The following ALPK2 variants were observed in gnomAD, a reference collection of about 807,000 sequenced individuals.
The protein encoded by ALPK2 is alpha-protein kinase 2.
In ALPK2, 127 loss-of-function variants were observed where a neutral mutation model predicts 163.1. That is an observed-to-expected ratio of 0.78 (90% confidence interval 0.67 to 0.90). ALPK2 has a LOEUF of 0.90. ALPK2 is among the 40% of genes least tolerant of loss of function. ALPK2 has a pLI of 0.00. For missense variants in ALPK2, 2,360 were observed against 2,589.6 expected, an observed-to-expected ratio of 0.91 and a Z score of 1.92; for synonymous variants, 953 against 959.1, an observed-to-expected ratio of 0.99 and a Z score of 0.12.
chr18:58,564,130 T>TTTTTTTTTTTTTC, intron 4 of ALPK2, among the ~76,000 whole-genome samples: 1 of 138,038 alleles, frequency 7.2e-6, no homozygotes, highest in South Asian at 2.4e-4. Flanking sequence ...GTTCTTTTTT[T>TTTTTTTTTTTTTC]TTTTTTTTTG....
At chr18:58,613,738 TAATAATAA>T (rs1568101812) in intron 1 of ALPK2, among the ~76,000 whole-genome samples, 10 of 145,610 alleles carry the variant, frequency 6.9e-5, no homozygotes, top group African/African-American at 2.3e-4. Flanking sequence ...ATAATAATAA[TAATAATAA>T]AATAAAAAGA....
In ALPK2 at chr18:58,515,019, A is replaced by T; in HGVS notation, c.6003T>A (p.Pro2001=). Residue 2001 remains proline (P), a synonymous_variant, in exon 10 of 13, where the codon CCT becomes CCA. Transcript: ENST00000361673. ...YAKIYAAEAQ[P]LEGFGEVPEI... ...CAGGTACTTCTCCAAAGCCTTCCAGAGGCTGTGCTTCAGCAGCGTAGATCT... is the reference window on the plus strand; with the variant it reads ...CAGGTACTTCTCCAAAGCCTTCCAGTGGCTGTGCTTCAGCAGCGTAGATCT... 4 of 1,613,010 alleles carry T rather than the reference A, an allele frequency of 2.5e-6. No homozygotes were observed. Among genetic ancestry groups the T allele is most frequent in the Non-Finnish European group, 3.4e-6 (4 of 1,179,398 alleles).
Position 58,580,408 on chromosome 18 carries a change from C to G in ALPK2, c.368G>C (p.Arg123Thr). The G allele has an allele frequency of 6.2e-7, 1 of 1,614,200 alleles. No homozygotes were observed. The highest frequency in any genetic ancestry group is 8.5e-7 in the Non-Finnish European group (1 of 1,180,034). The change falls in exon 4 of 13, where the codon AGG becomes ACG. Residue 123 changes from arginine (R) to threonine (T), a missense_variant. Transcript: ENST00000361673. Reference protein sequence around the residue: ...LSPNLEDDRDRGWKHETGTHE... With the variant: ...LSPNLEDDRDTGWKHETGTHE... ...TGTCCCTGTTTCATGTTTCCAACCCCTGTCCCTGTCATCTTCCAGGTTAGG... is the reference window on the plus strand; with the variant it reads ...TGTCCCTGTTTCATGTTTCCAACCCGTGTCCCTGTCATCTTCCAGGTTAGG...
intron 12 of ALPK2, among the ~76,000 whole-genome samples, chr18:58,497,057 C>T (rs2051404642): frequency 6.6e-6 from 1 of 152,220 alleles, no homozygotes; most frequent in South Asian, 2.1e-4. Context: ...CCATAATATT[C>T]TTGCCTGCAT....
intron 5 of ALPK2, among the ~76,000 whole-genome samples, chr18:58,529,924 C>T (rs2051603906): frequency 6.6e-6 from 1 of 152,200 alleles, no homozygotes; most frequent in Non-Finnish European, 1.5e-5. Flanking sequence ...TTAGCTAGGG[C>T]AGCCACTGGG....
intron 3 of ALPK2, among the ~76,000 whole-genome samples, chr18:58,583,789 G>A (rs2051972538): frequency 6.6e-6 from 1 of 151,876 alleles, no homozygotes; most frequent in Admixed American, 6.6e-5. Flanking sequence ...CTGTGGCAGG[G>A]TGGGCAATAG....
rs763669425 is a variant in ALPK2 at position 58,503,982 on chromosome 18, G to GCTA, written c.6195_6196insTAG (p.Gln2065_His2066insTer). 3.7e-6 allele frequency: 6 copies of GCTA among 1,614,168 alleles called. No homozygotes were observed. In the South Asian group the frequency reaches 6.6e-5, roughly 18 times the overall value. On this transcript the variant is annotated stop_gained and inframe_insertion, in exon 11 of 13. Transcript: ENST00000361673. LOFTEE classifies it high-confidence loss of function. ...CCACTTGTTTTCTGGTACACCCAGTGCTGGAAGGTGCAACATTTCTGACCA... is the reference window on the plus strand; with the variant it reads ...CCACTTGTTTTCTGGTACACCCAGTGCTACTGGAAGGTGCAACATTTCTGACCA...
intron 11 of ALPK2, among the ~76,000 whole-genome samples, chr18:58,501,905 T>G (rs7234237): frequency 0.035 from 5,288 of 152,286 alleles, 132 homozygotes; most frequent in Non-Finnish European, 0.052. Context: ...GTTTTGATAA[T>G]GTACTATAGT....
At chr18:58,615,803 C>T (rs1356892794) in intron 1 of ALPK2, among the ~76,000 whole-genome samples, 5 of 152,222 alleles carry the variant, frequency 3.3e-5, no homozygotes, top group African/African-American at 4.8e-5. Flanking sequence ...GCTGGGCTGA[C>T]GTTGAGGAGC....
intron 1 of ALPK2, among the ~76,000 whole-genome samples, chr18:58,618,292 C>T (rs758743400): frequency 5.9e-5 from 9 of 152,178 alleles, no homozygotes; most frequent in Non-Finnish European, 1.0e-4. Flanking sequence ...GATGATCCAC[C>T]GGCCCCGGCC....
intron 4 of ALPK2, among the ~76,000 whole-genome samples, chr18:58,549,717 C>A (rs1246701866): frequency 6.6e-6 from 1 of 152,194 alleles, no homozygotes; most frequent in African/African-American, 2.4e-5. Flanking sequence ...ACAAAATTTT[C>A]TTTCTGATTA....
chr18:58,494,339 G>A (rs1009153289), intron 12 of ALPK2, among the ~76,000 whole-genome samples: 6 of 152,068 alleles, frequency 3.9e-5, no homozygotes, highest in African/African-American at 1.4e-4. Flanking sequence ...TTATATCTCT[G>A]GCTCCCAAGA....
At chr18:58,590,998 G>A (rs1029482284) in intron 3 of ALPK2, among the ~76,000 whole-genome samples, 4 of 152,182 alleles carry the variant, frequency 2.6e-5, no homozygotes, top group Non-Finnish European at 5.9e-5. Context: ...TAGATTGGGG[G>A]CTGGGAAGGG....
chr18:58,481,673 GGGTTTAGAAGCATCTTGGCGCACAGTC>G lies in ALPK2; in HGVS notation c.*123_*149del. 1 of 645,362 alleles carries G rather than the reference GGGTTTAGAAGCATCTTGGCGCACAGTC, an allele frequency of 1.5e-6. No homozygotes were observed. Among genetic ancestry groups the G allele is most frequent in the East Asian group, 2.7e-5 (1 of 37,120 alleles). 40.0% of individuals were successfully genotyped at this position (645,362 alleles called of 1,614,324 possible). On this transcript the variant is annotated 3_prime_UTR_variant, in exon 13 of 13. Transcript: ENST00000361673. ...CATTTGAGTGAAGACAGCAGGTGATGGGTTTAGAAGCATCTTGGCGCACAGTCGGCTGGGAGTAAGGATTGCCACGCA... is the reference window on the plus strand; with the variant it reads ...CATTTGAGTGAAGACAGCAGGTGATGGGCTGGGAGTAAGGATTGCCACGCA...
At chr18:58,504,983 T>C (rs1397176430) in intron 10 of ALPK2, among the ~76,000 whole-genome samples, 4 of 150,914 alleles carry the variant, frequency 2.7e-5, no homozygotes, top group African/African-American at 7.3e-5. Context: ...TTGGCAGAGG[T>C]TGGGGGAGGC....
At chr18:58,512,898 G>A (rs541901168) in intron 10 of ALPK2, among the ~76,000 whole-genome samples, 27 of 129,038 alleles carry the variant, frequency 2.1e-4, no homozygotes, top group South Asian at 5.4e-4. Context: ...TGTGTAATGC[G>A]TATGTGTGTG....
At position 58,579,870 on chromosome 18, in the gene ALPK2, T is replaced by C; in HGVS notation, c.906A>G (p.Glu302=). ...NKQPSPQLSS[E]DSDSDYELCP... is the part of the protein sequence containing the mutation. The stretch of plus-strand genomic sequence containing the variant: ...AAAGTTCATAGTCACTGTCAGAGTC[T>C]TCACTGGAAAGCTGTGGGCTGGGTT... The change falls in exon 4 of 13, where the codon GAA becomes GAG. Residue 302 remains glutamate, a synonymous_variant. Coordinates refer to ENST00000361673, the MANE Select transcript of ALPK2 (RefSeq NM_052947.4). The C allele has an allele frequency of 6.2e-7, 1 of 1,614,186 alleles. No homozygotes were observed. Among genetic ancestry groups the C allele is most frequent in the Non-Finnish European group, 8.5e-7 (1 of 1,180,022 alleles).
intron 4 of ALPK2, among the ~76,000 whole-genome samples, chr18:58,572,194 G>A (rs757344254): frequency 1.3e-5 from 2 of 152,068 alleles, no homozygotes; most frequent in Non-Finnish European, 2.9e-5. Flanking sequence ...AAGCTACAAT[G>A]GGATATCACC....
At chr18:58,587,032 G>A (rs1464203420) in intron 3 of ALPK2, among the ~76,000 whole-genome samples, 1 of 152,130 alleles carries the variant, frequency 6.6e-6, no homozygotes, top group Non-Finnish European at 1.5e-5. Context: ...CTGACCTTAA[G>A]GCTCTCTACT....
Sources: allele counts gnomAD v4.1 joint callset (sites outside exome capture counted in the v4.1 genomes callset), GRCh38; gene constraint gnomAD v4.1.1; transcripts MANE v1.5; gene names NCBI Gene and HGNC (gene_info 2026-07-23, HGNC 2026-07-21).